MGAT4C: variants seen among roughly 807,000 people sequenced by gnomAD.
The protein encoded by MGAT4C is alpha-1,3-mannosyl-glycoprotein 4-beta-N-acetylglucosaminyltransferase C.
MGAT4C carries 19 observed loss-of-function variants against 40.1 expected under a neutral mutation model. The ratio of observed to expected loss-of-function variants is 0.47; its 90% CI spans 0.33 to 0.70. The LOEUF is 0.70. Ranked by LOEUF, MGAT4C falls within the 30% of genes least tolerant of loss-of-function variation. MGAT4C has a pLI of 0.02. For missense variants in MGAT4C, 491 were observed against 563.2 expected (o/e 0.87, Z 1.30); for synonymous variants, 181 against 187.1 (o/e 0.97, Z 0.27).
intron 1 of MGAT4C, among the ~76,000 whole-genome samples, chr12:86,743,290 C>T (rs1951102893): frequency 6.6e-6 from 1 of 151,432 alleles, no homozygotes; most frequent in Non-Finnish European, 1.5e-5. Flanking sequence ...ACTTTTTTAA[C>T]ATTAGAGATA....
At chr12:86,562,388 TG>T (rs980080473) in intron 2 of MGAT4C, among the ~76,000 whole-genome samples, 1 of 151,988 alleles carries the variant, frequency 6.6e-6, no homozygotes, top group Non-Finnish European at 1.5e-5. Context: ...TTGGGACAGG[TG>T]GGAGGATGCT....
intron 2 of MGAT4C, among the ~76,000 whole-genome samples, chr12:86,645,752 G>A (rs865934686): frequency 2.6e-5 from 4 of 151,606 alleles, no homozygotes; most frequent in Admixed American, 2.0e-4. Flanking sequence ...GACAGCAGTG[G>A]CCTTTTACCC....
At chr12:86,322,837 T>C (rs1954429046) in intron 4 of MGAT4C, among the ~76,000 whole-genome samples, 1 of 152,152 alleles carries the variant, frequency 6.6e-6, no homozygotes, top group African/African-American at 2.4e-5. Context: ...ACTTTAGATT[T>C]GGATTGTGAA....
intron 1 of MGAT4C, among the ~76,000 whole-genome samples, chr12:86,050,895 A>G (rs9669115): frequency 0.23 from 34,981 of 151,916 alleles, 4,940 homozygotes; most frequent in African/African-American, 0.4. Context: ...GTCATATCAC[A>G]GAACACAGAG....
chr12:86,782,029 G>A (rs1951850364), intron 1 of MGAT4C, among the ~76,000 whole-genome samples: 1 of 151,942 alleles, frequency 6.6e-6, no homozygotes, highest in African/African-American at 2.4e-5. Context: ...GTCTCGTTCT[G>A]TTGCCCAGGC....
chr12:86,792,845 C>G (rs780161238), intron 1 of MGAT4C, among the ~76,000 whole-genome samples: 2 of 152,176 alleles, frequency 1.3e-5, no homozygotes, highest in South Asian at 4.1e-4. Flanking sequence ...GCAGGAGAAT[C>G]GCTTGAACCT....
At chr12:86,270,886 C>T (rs1397755601) in intron 4 of MGAT4C, among the ~76,000 whole-genome samples, 1 of 152,046 alleles carries the variant, frequency 6.6e-6, no homozygotes, top group Admixed American at 6.5e-5. Flanking sequence ...AACTAATCTT[C>T]GACAAAGATG....
intron 2 of MGAT4C, among the ~76,000 whole-genome samples, chr12:86,012,715 G>T (rs376072753): frequency 5.3e-5 from 8 of 151,492 alleles, no homozygotes; most frequent in Non-Finnish European, 4.4e-5. Context: ...TCGCACCATT[G>T]CACTGCAGCC....
intron 2 of MGAT4C, among the ~76,000 whole-genome samples, chr12:86,617,243 AT>A (rs1177270006): frequency 3.9e-5 from 6 of 152,148 alleles, no homozygotes; most frequent in Non-Finnish European, 7.4e-5. Flanking sequence ...TTTTAGATAG[AT>A]TTAGTATTTG....
At chr12:86,767,680 G>A (rs922251055) in intron 1 of MGAT4C, among the ~76,000 whole-genome samples, 4 of 152,126 alleles carry the variant, frequency 2.6e-5, no homozygotes, top group African/African-American at 4.8e-5. Flanking sequence ...GATCAAGTGG[G>A]CTTCATCCCT....
intron 1 of MGAT4C, among the ~76,000 whole-genome samples, chr12:86,813,170 A>C (rs892028208): frequency 6.6e-6 from 1 of 152,058 alleles, no homozygotes; most frequent in South Asian, 2.1e-4. Context: ...GGGAGAAGCA[A>C]GAAGAAATAG....
At chr12:86,514,067 AAC>A (rs71078908) in intron 2 of MGAT4C, among the ~76,000 whole-genome samples, 14,922 of 133,588 alleles carry the variant, frequency 0.11, 759 homozygotes, top group Non-Finnish European at 0.14. Context: ...GCCATGCACC[AAC>A]ACACACACAC....
intron 1 of MGAT4C, among the ~76,000 whole-genome samples, chr12:86,182,747 T>C (rs1475320186): frequency 6.6e-6 from 1 of 152,184 alleles, no homozygotes; most frequent in Non-Finnish European, 1.5e-5. Flanking sequence ...CAATAGAGTA[T>C]ATCAAACAGT....
At chr12:86,525,810 G>A (rs1958869804) in intron 2 of MGAT4C, among the ~76,000 whole-genome samples, 1 of 152,164 alleles carries the variant, frequency 6.6e-6, no homozygotes, top group East Asian at 1.9e-4. Flanking sequence ...GGAATCCACT[G>A]CACTGTTGGA....
exon 3 of MGAT4C, chr12:86,435,210 A>C (rs993965291): frequency 1.3e-5 from 2 of 151,942 alleles, no homozygotes; most frequent in African/African-American, 4.8e-5. Flanking sequence ...CTCTTGTTTG[A>C]AAGACAGATC....
intron 3 of MGAT4C, among the ~76,000 whole-genome samples, chr12:86,366,145 C>T (rs919388544): frequency 3.3e-5 from 5 of 151,950 alleles, no homozygotes; most frequent in East Asian, 3.9e-4. Flanking sequence ...ATTTTGTGTG[C>T]GTGTGGCTAT....
At chr12:86,324,792 A>G (rs12580052) in intron 4 of MGAT4C, among the ~76,000 whole-genome samples, 17,423 of 151,940 alleles carry the variant, frequency 0.11, 2,517 homozygotes, top group African/African-American at 0.32. Flanking sequence ...TTATGTTGGA[A>G]TGTTTATTTG....
intron 2 of MGAT4C, among the ~76,000 whole-genome samples, chr12:86,487,864 G>C (rs188350008): frequency 1.3e-5 from 2 of 152,146 alleles, no homozygotes; most frequent in East Asian, 1.9e-4. Context: ...TAAACATTGC[G>C]TCTAAAATAA....
At chr12:86,504,057 C>T (rs1224217437) in intron 2 of MGAT4C, among the ~76,000 whole-genome samples, 9 of 151,238 alleles carry the variant, frequency 6.0e-5, no homozygotes, top group African/African-American at 2.2e-4. Flanking sequence ...AAATGGCCAA[C>T]AAACCTAAGA....
Sources: gnomAD v4.1 joint callset for allele counts (sites outside exome capture counted in the v4.1 genomes callset) on GRCh38, gnomAD v4.1.1 for gene constraint, MANE v1.5 for transcripts, NCBI Gene and HGNC (gene_info 2026-07-23, HGNC 2026-07-21) for gene names.